Variants in TMEM74B observed in about 807,000 individuals in gnomAD.
TMEM74B encodes transmembrane protein 74B.
TMEM74B carries 7 observed loss-of-function variants against 6.5 expected under a neutral mutation model. That is an observed-to-expected ratio of 1.07 (90% CI 0.61 to 2.01). The LOEUF (loss-of-function observed/expected upper bound fraction) is 2.01, where lower values mean the gene tolerates loss of function less well. Ranked by LOEUF, TMEM74B falls within the 30% of genes most tolerant of loss-of-function variation. The probability of loss-of-function intolerance (pLI) is 0.00; values close to 1 mark genes in which losing one functional copy is unlikely to be tolerated. For synonymous variants in TMEM74B, 151 were observed against 151.6 expected, an observed-to-expected ratio of 1.00 and a Z score of 0.03; for missense variants, 342 against 337.0, an observed-to-expected ratio of 1.01 and a Z score of -0.12.
At chr20:1,187,947 AC>A (rs1318653566), upstream of TMEM74B, among the ~76,000 whole-genome samples, 1 of 152,092 alleles carries the variant, frequency 6.6e-6, no homozygotes, top group Non-Finnish European at 1.5e-5. Flanking sequence ...TGAGAATTTG[AC>A]CTTTGGAAGC....
At position 1,181,195 on chromosome 20, in the gene TMEM74B, C is replaced by T. The variant is rs148422971; in HGVS notation, c.424G>A (p.Ala142Thr). ...TTGACTCGAGCCTCACGGGGGATGG[C>T]GTATGCTGTCACCACCAGAAGAATC... Reference protein sequence around the residue: ...SGILLVVTAYAIPREARVNPD... With the variant: ...SGILLVVTAYTIPREARVNPD... The change falls in exon 3 of 3, where the codon GCC becomes ACC. Residue 142 changes from alanine (A) to threonine (T), a missense_variant. Transcript: ENST00000429036. The surrounding 1 kb of genome is among the most constrained non-coding windows in gnomAD (Gnocchi z 4.9). 47 of 1,614,198 alleles carry T rather than the reference C, an allele frequency of 2.9e-5. No homozygotes were observed. Among genetic ancestry groups the T allele is most frequent in the Middle Eastern group, 1.6e-4 (1 of 6,062 alleles).
rs1388401634 is a variant in TMEM74B, at chr20:1,184,597, T to G, written c.-443A>C. ...CCCTCGGATCTTCGGGCCACGCGAG[T>G]ACCCCGTCACACGCACACGCGCGTA... On this transcript the variant is annotated 5_prime_UTR_variant, in exon 1 of 3. Coordinates refer to ENST00000429036, the MANE Select transcript of TMEM74B (RefSeq NM_001304748.2). This position sits in a 1 kb window ranked among gnomAD's most constrained non-coding sequence, Gnocchi z 6.0. The G allele has an allele frequency of 6.7e-6, 1 of 148,274 alleles. No homozygotes were observed. Among genetic ancestry groups the G allele is most frequent in the Non-Finnish European group, 1.5e-5 (1 of 67,574 alleles). The allele number at this position is 148,274 out of a possible 1,614,324, so 9.2% of individuals were successfully genotyped here. A position where few individuals can be genotyped will look rare whatever the true frequency, so the allele number is the denominator to read the frequency against.
chr20:1,182,977 T>G (rs774132626), intron 2 of TMEM74B, among the ~76,000 whole-genome samples: 2 of 152,202 alleles, frequency 1.3e-5, no homozygotes, highest in Non-Finnish European at 2.9e-5. Flanking sequence ...CTTGTAACAC[T>G]CGCCTGGAGT....
At chr20:1,183,305 TGTGTGTGTGTTTG>T (rs1411199274) in intron 2 of TMEM74B, among the ~76,000 whole-genome samples, 2 of 150,848 alleles carry the variant, frequency 1.3e-5, no homozygotes, top group Non-Finnish European at 3.0e-5. Flanking sequence ...TGTGTGTGTG[TGTGTGTGTGTTTG>T]TGTGTGTGTG....
rs768798239 is a variant in TMEM74B, at chr20:1,181,064, C to T, written c.555G>A (p.Thr185=). The T allele has an allele frequency of 6.6e-5, 106 of 1,613,552 alleles. No individual in the cohort carries two copies. Among genetic ancestry groups the T allele is most frequent in the East Asian group, 1.3e-4 (6 of 44,890 alleles). ...GCACCGACAAGAGCATGCCGCCCACCGTGAGCAGCCCGAGGCCTGCGATGA... is the reference window on the plus strand; with the variant it reads ...GCACCGACAAGAGCATGCCGCCCACTGTGAGCAGCCCGAGGCCTGCGATGA... ...RCIIAGLGLL[T]VGGMLLSVLL... is the part of the protein sequence containing the mutation. The change falls in exon 3 of 3, where the codon ACG becomes ACA. Residue 185 remains threonine (T), a synonymous_variant. Coordinates refer to ENST00000429036, the MANE Select transcript of TMEM74B (RefSeq NM_001304748.2). This position sits in a 1 kb window ranked among gnomAD's most constrained non-coding sequence, Gnocchi z 4.9.
chr20:1,183,664 T>C, intron 2 of TMEM74B, 107 bp downstream of exon 2: 1 of 1,393,854 alleles, frequency 7.2e-7, no homozygotes, highest in East Asian at 2.3e-5. Flanking sequence ...GATCCGGAAT[T>C]ACTGTCTCTA....
Position 1,184,894 on chromosome 20 carries a change from A to G in TMEM74B, c.-740T>C, listed in dbSNP as rs1332197838. Among the ~76,000 whole-genome samples the G allele has an allele frequency of 6.6e-6, 1 of 152,124 alleles. No individual in the cohort carries two copies. ...AAAGTTGCGCGCAGAAAGCCCCAGC[A>G]CGCCGGCTGCCCACCGCGCCCGCTC... On this transcript the variant is annotated 5_prime_UTR_variant, in exon 1 of 3. Coordinates refer to ENST00000429036, the MANE Select transcript of TMEM74B (RefSeq NM_001304748.2). This position sits in a 1 kb window ranked among gnomAD's most constrained non-coding sequence, Gnocchi z 6.0.
At chr20:1,188,591 C>A (rs1481561097), upstream of TMEM74B, among the ~76,000 whole-genome samples, 1 of 148,634 alleles carries the variant, frequency 6.7e-6, no homozygotes, top group Non-Finnish European at 1.5e-5. Flanking sequence ...TACACACACA[C>A]CATACACACA....
upstream of TMEM74B, chr20:1,185,451 G>T (rs2086999437): frequency 6.6e-6 from 1 of 151,468 alleles, no homozygotes; most frequent in Non-Finnish European, 1.5e-5. Flanking sequence ...GCGGGGGGGG[G>T]ATCCGGGGAC....
At chr20:1,187,032 T>C (rs2122699594), upstream of TMEM74B, among the ~76,000 whole-genome samples, 1 of 152,332 alleles carries the variant, frequency 6.6e-6, no homozygotes, top group African/African-American at 2.4e-5. Context: ...CCCTCAGTCA[T>C]GCGCTGTCCT....
rs1431690633 is a variant in TMEM74B, at chr20:1,181,072, G to A, written c.547C>T (p.Leu183=). 1.9e-6 allele frequency: 3 copies of A among 1,613,758 alleles called. No individual in the cohort carries two copies. The highest frequency in any genetic ancestry group is 2.5e-6 in the Non-Finnish European group (3 of 1,179,990). Residue 183 remains leucine, a synonymous_variant, in exon 3 of 3, where the codon CTG becomes TTG. Coordinates refer to ENST00000429036, the MANE Select transcript of TMEM74B (RefSeq NM_001304748.2). The surrounding 1 kb of genome is among the most constrained non-coding windows in gnomAD (Gnocchi z 4.9). ...AAGAGCATGCCGCCCACCGTGAGCA[G>A]CCCGAGGCCTGCGATGATGCACCTG... The part of the protein sequence containing the change: ...LDRCIIAGLG[L]LTVGGMLLSV...
At chr20:1,183,668 G>C in intron 2 of TMEM74B, 103 bp downstream of exon 2, 2 of 1,417,980 alleles carry the variant, frequency 1.4e-6, no homozygotes, top group South Asian at 2.4e-5. Flanking sequence ...CGGAATTACT[G>C]TCTCTATTTC....
Position 1,181,777 on chromosome 20 carries a change from A to G in TMEM74B, c.32-190T>C, listed in dbSNP as rs1261145712. Among the ~76,000 whole-genome samples, 2 of 152,270 alleles carry G rather than the reference A, an allele frequency of 1.3e-5. No individual in the cohort carries two copies. Among genetic ancestry groups the G allele is most frequent in the South Asian group, 4.1e-4 (2 of 4,828 alleles). ...GTGATCCAAGCCCAGATCCCACTCT[A>G]CCACCGGGTGGGGTATGGCTGTGGG... is the stretch of plus-strand genomic sequence containing the variant. On this transcript the variant is annotated intron_variant, in intron 2 of 2. Transcript: ENST00000429036. The surrounding 1 kb of genome is among the most constrained non-coding windows in gnomAD (Gnocchi z 4.9).
At position 1,180,933 on chromosome 20, in the gene TMEM74B, TG is replaced by T; in HGVS notation, c.685del (p.Gln229SerfsTer31). 6.2e-7 allele frequency: 1 copy of T among 1,614,128 alleles called. No homozygotes were observed. Among genetic ancestry groups the T allele is most frequent in the South Asian group, 1.1e-5 (1 of 91,070 alleles). ...GGCCTGGCCCCCATCCCCATTGAGCTGTCTCATGCGCAGGTTAATGGAGCCG... is the reference window on the plus strand; with the variant it reads ...GGCCTGGCCCCCATCCCCATTGAGCTTCTCATGCGCAGGTTAATGGAGCCG... ...TYGSINLRMR[Q>X]LNGDGGQALV... is the part of the protein sequence containing the mutation. On this transcript the variant is annotated frameshift_variant, in exon 3 of 3. Coordinates refer to ENST00000429036, the MANE Select transcript of TMEM74B (RefSeq NM_001304748.2). LOFTEE classifies it high-confidence loss of function. This position sits in a 1 kb window ranked among gnomAD's most constrained non-coding sequence, Gnocchi z 6.1.
At chr20:1,185,831 C>T (rs1192474609), upstream of TMEM74B, among the ~76,000 whole-genome samples, 1 of 150,792 alleles carries the variant, frequency 6.6e-6, no homozygotes, top group Non-Finnish European at 1.5e-5. Flanking sequence ...CCACCCCCAC[C>T]CCGCACGCAG....
At chr20:1,188,600 C>T (rs865792199), upstream of TMEM74B, among the ~76,000 whole-genome samples, 36 of 147,874 alleles carry the variant, frequency 2.4e-4, 1 homozygote, top group South Asian at 6.5e-3. Flanking sequence ...ACCATACACA[C>T]AATACACATA....
Position 1,181,634 on chromosome 20 carries a change from G to A in TMEM74B, c.32-47C>T. Reference sequence around the variant, plus strand: ...CAGTTGAATGTAGCAACCTCTCCCTGTTGTGGAGGACATCATACCAGTCCC... The same window carrying A: ...CAGTTGAATGTAGCAACCTCTCCCTATTGTGGAGGACATCATACCAGTCCC... On this transcript the variant is annotated intron_variant, in intron 2 of 2. Coordinates refer to ENST00000429036, the MANE Select transcript of TMEM74B (RefSeq NM_001304748.2). This position sits in a 1 kb window ranked among gnomAD's most constrained non-coding sequence, Gnocchi z 4.9. 2 of 1,442,606 alleles carry A rather than the reference G, an allele frequency of 1.4e-6. No individual in the cohort carries two copies. The highest frequency in any genetic ancestry group is 1.8e-6 in the Non-Finnish European group (2 of 1,105,394). The allele number at this position is 1,442,606 out of a possible 1,614,324, so 89.4% of individuals were successfully genotyped here.
At chr20:1,183,290 C>CTCTCTGTGTGTGTG (rs1555769547) in intron 2 of TMEM74B, among the ~76,000 whole-genome samples, 2 of 149,214 alleles carry the variant, frequency 1.3e-5, no homozygotes, top group Non-Finnish European at 3.0e-5. Flanking sequence ...GGTTCGTTCT[C>CTCTCTGTGTGTGTG]TGTGTGTGTG....
At chr20:1,185,664 A>G (rs2087005345), upstream of TMEM74B, among the ~76,000 whole-genome samples, 1 of 146,046 alleles carries the variant, frequency 6.8e-6, no homozygotes, top group Non-Finnish European at 1.5e-5. Context: ...GCCTGGGCTT[A>G]GGGAACTGGG....
Sources: gnomAD v4.1 joint callset for allele counts (sites outside exome capture counted in the v4.1 genomes callset) on GRCh38, gnomAD v4.1.1 for gene constraint, Gnocchi (gnomAD v3.1) non-coding constraint, MANE v1.5 for transcripts, NCBI Gene and HGNC (gene_info 2026-07-23, HGNC 2026-07-21) for gene names.